Variants in PRPSAP1 observed in about 807,000 individuals in gnomAD.
The protein encoded by PRPSAP1 is phosphoribosyl pyrophosphate synthetase associated protein 1, also known as phosphoribosyl pyrophosphate synthase-associated protein 1.
A neutral mutation model predicts 39.4 loss-of-function variants in PRPSAP1; 31 were observed. That is an observed-to-expected ratio of 0.79 (90% CI 0.59 to 1.06). The LOEUF (loss-of-function observed/expected upper bound fraction) is 1.06. Ranked by LOEUF, PRPSAP1 falls within the 50% of genes least tolerant of loss-of-function variation. PRPSAP1 has a pLI of 0.00. For missense variants in PRPSAP1, 430 were observed against 511.6 expected (o/e 0.84, Z 1.54); for synonymous variants, 212 against 192.6 (o/e 1.10, Z -0.83).
At chr17:76,350,265 C>A (rs2071553613) in intron 1 of PRPSAP1, among the ~76,000 whole-genome samples, 1 of 151,844 alleles carries the variant, frequency 6.6e-6, no homozygotes, top group Non-Finnish European at 1.5e-5. Flanking sequence ...CGGTGAAACC[C>A]CATCTCTACT....
chr17:76,311,737 G>A, intron 9 of PRPSAP1, 37 bp from the exon 10 acceptor site: 5 of 1,594,534 alleles, frequency 3.1e-6, no homozygotes, highest in Non-Finnish European at 4.3e-6. Flanking sequence ...CGCTGTTACT[G>A]AAGTCTGTTC....
intron 7 of PRPSAP1, among the ~76,000 whole-genome samples, chr17:76,325,947 G>T (rs346795): frequency 0.29 from 44,595 of 151,892 alleles, 7,550 homozygotes; most frequent in African/African-American, 0.46. Flanking sequence ...TTTAAATTAA[G>T]GTACGTACAT....
intron 3 of PRPSAP1, among the ~76,000 whole-genome samples, chr17:76,335,922 T>C (rs2143513641): frequency 6.6e-6 from 1 of 151,904 alleles, no homozygotes; most frequent in South Asian, 2.1e-4. Context: ...CAAACCCATA[T>C]AATGAGCTGT....
At chr17:76,334,159 G>T (rs1206840227) in intron 3 of PRPSAP1, among the ~76,000 whole-genome samples, 1 of 152,014 alleles carries the variant, frequency 6.6e-6, no homozygotes, top group African/African-American at 2.4e-5. Context: ...GACTATCCAC[G>T]CATCCTCAAA....
Position 76,353,906 on chromosome 17 carries a change from G to A in PRPSAP1, c.-203C>T, listed in dbSNP as rs1177110112. 3 of 1,330,724 alleles carry A rather than the reference G, an allele frequency of 2.3e-6. No homozygotes were observed. Among genetic ancestry groups the A allele is most frequent in the South Asian group, 2.0e-5 (1 of 49,842 alleles). 82.4% of individuals were successfully genotyped at this position (1,330,724 alleles called of 1,614,324 possible). ...CGCAGCGCCCGGCGCCGCCGCCTCA[G>A]AGCCAGAGGCAAGGCCACCGCCCCC... is the stretch of plus-strand genomic sequence containing the variant. On this transcript the variant is annotated 5_prime_UTR_variant, in exon 1 of 10. Coordinates refer to ENST00000446526, the MANE Select transcript of PRPSAP1 (RefSeq NM_002766.3).
At chr17:76,329,853 G>A (rs955882663) in intron 6 of PRPSAP1, among the ~76,000 whole-genome samples, 190 bp downstream of exon 6, 2 of 152,128 alleles carry the variant, frequency 1.3e-5, no homozygotes, top group African/African-American at 2.4e-5. Flanking sequence ...GCAACTCAGC[G>A]ATCATGTGTG....
At position 76,310,185 on chromosome 17, in the gene PRPSAP1, C is replaced by T. The variant is rs1311192270; in HGVS notation, c.*1357G>A. 6.7e-6 allele frequency: 1 copy of T among 148,736 alleles called. No individual in the cohort carries two copies. Among genetic ancestry groups the T allele is most frequent in the African/African-American group, 2.6e-5 (1 of 38,950 alleles). 9.2% of individuals were successfully genotyped at this position (148,736 alleles called of 1,614,324 possible). A position where few individuals can be genotyped will look rare whatever the true frequency, so the allele number is the denominator to read the frequency against. On this transcript the variant is annotated 3_prime_UTR_variant, in exon 10 of 10. Coordinates refer to ENST00000446526, the MANE Select transcript of PRPSAP1 (RefSeq NM_002766.3). ...CTAATTTTTGTATTTTTAGTAGGGA[C>T]AGGGTTTCACCATATTGGCCAGGCT...
At chr17:76,340,696 G>A (rs1463363779) in intron 3 of PRPSAP1, among the ~76,000 whole-genome samples, 2 of 152,030 alleles carry the variant, frequency 1.3e-5, no homozygotes, top group African/African-American at 4.8e-5. Flanking sequence ...TTCGAGACCA[G>A]CCTGACCAAC....
At chr17:76,333,538 G>C (rs2071347424) in intron 3 of PRPSAP1, among the ~76,000 whole-genome samples, 1 of 152,016 alleles carries the variant, frequency 6.6e-6, no homozygotes, top group African/African-American at 2.4e-5. Flanking sequence ...CCAGCTACTG[G>C]GGAGGCTGAG....
At chr17:76,324,104 C>T (rs2071226594) in intron 7 of PRPSAP1, among the ~76,000 whole-genome samples, 1 of 149,078 alleles carries the variant, frequency 6.7e-6, no homozygotes, top group South Asian at 2.1e-4. Context: ...GATGGTGCCA[C>T]TGCACTCCAG....
chr17:76,353,913 A>G lies in PRPSAP1; in HGVS notation c.-210T>C. The G allele has an allele frequency of 6.8e-6, 9 of 1,322,240 alleles. No homozygotes were observed. The highest frequency in any genetic ancestry group is 8.6e-6 in the Non-Finnish European group (9 of 1,041,238). The allele number at this position is 1,322,240 out of a possible 1,614,324, so 81.9% of individuals were successfully genotyped here. A position where few individuals can be genotyped will look rare whatever the true frequency, so the allele number is the denominator to read the frequency against. ...CCCGGCGCCGCCGCCTCAGAGCCAG[A>G]GGCAAGGCCACCGCCCCCTCCGGGC... is the stretch of plus-strand genomic sequence containing the variant. On this transcript the variant is annotated 5_prime_UTR_variant, in exon 1 of 10. Coordinates refer to ENST00000446526, the MANE Select transcript of PRPSAP1 (RefSeq NM_002766.3).
At position 76,325,733 on chromosome 17, in the gene PRPSAP1, T is replaced by A. The variant is rs867706332; in HGVS notation, c.781+2984A>T. ...CCATTCTCCTGCCTCAGCCACCCGG[T>A]AGCTGGGACTACAGGCGCCCGCCAC... On this transcript the variant is annotated intron_variant, in intron 7 of 9. Transcript: ENST00000446526. 8.1e-4 allele frequency among the ~76,000 whole-genome samples: 123 copies of A among 151,212 alleles called. 2 individuals carry two copies. The Middle Eastern group carries it at 0.017, about 21-fold the overall frequency.
intron 1 of PRPSAP1, among the ~76,000 whole-genome samples, chr17:76,351,368 A>G (rs941863568): frequency 1.3e-5 from 2 of 152,118 alleles, no homozygotes; most frequent in African/African-American, 4.8e-5. Flanking sequence ...ACAAAAAATT[A>G]GCTGTGCGAG....
In PRPSAP1 at chr17:76,310,506, C is replaced by A. The variant is rs1290720603; in HGVS notation, c.*1036G>T. 1 of 151,476 alleles carries A rather than the reference C, an allele frequency of 6.6e-6. No individual in the cohort carries two copies. Among genetic ancestry groups the A allele is most frequent in the East Asian group, 1.9e-4 (1 of 5,160 alleles). The allele number at this position is 151,476 out of a possible 1,614,324, so 9.4% of individuals were successfully genotyped here. On this transcript the variant is annotated 3_prime_UTR_variant, in exon 10 of 10. Coordinates refer to ENST00000446526, the MANE Select transcript of PRPSAP1 (RefSeq NM_002766.3). ...TTTGAGACAGGGTGTTGCTCTGTCA[C>A]CCAGGATGGATGGCAGTGGTACAAT...
At chr17:76,324,140 CAAAA>C (rs34741154) in intron 7 of PRPSAP1, among the ~76,000 whole-genome samples, 1 of 117,118 alleles carries the variant, frequency 8.5e-6, no homozygotes, top group African/African-American at 3.0e-5. Flanking sequence ...GAGACTGTCT[CAAAA>C]AAAAAAAAAA....
rs191329448 is a variant in PRPSAP1, at chr17:76,332,458, T to C, written c.291-23A>G. On this transcript the variant is annotated intron_variant, in intron 3 of 9. Coordinates refer to ENST00000446526, the MANE Select transcript of PRPSAP1 (RefSeq NM_002766.3). ...TCTCTGAAACAGTCAAAGTTTGTAT[T>C]TGGGGATTAATTCCATGTATCAACC... is the stretch of plus-strand genomic sequence containing the variant. The C allele has an allele frequency of 9.1e-5, 146 of 1,612,286 alleles. 1 individual carries two copies. The African/African-American group carries it at 1.3e-3, about 14-fold the overall frequency.
intron 3 of PRPSAP1, 99 bp from the exon 4 acceptor site, chr17:76,332,534 G>A (rs2071333928): frequency 7.3e-7 from 1 of 1,371,936 alleles, no homozygotes; most frequent in Non-Finnish European, 9.9e-7. Context: ...CCAGATGGGT[G>A]TTGTGGGAAT....
intron 7 of PRPSAP1, 62 bp downstream of exon 7, chr17:76,328,655 A>C (rs933693237): frequency 5.1e-6 from 8 of 1,561,802 alleles, no homozygotes; most frequent in Non-Finnish European, 6.9e-6. Context: ...AAACCAACAA[A>C]ACCAACAAAA....
rs2071612096 is a variant in PRPSAP1, at chr17:76,353,843, T to G, written c.-140A>C. 28 of 1,376,264 alleles carry G rather than the reference T, an allele frequency of 2.0e-5. No individual in the cohort carries two copies. The highest frequency in any genetic ancestry group is 2.6e-5 in the Non-Finnish European group (28 of 1,072,850). 85.3% of individuals were successfully genotyped at this position (1,376,264 alleles called of 1,614,324 possible). A position where few individuals can be genotyped will look rare whatever the true frequency, so the allele number is the denominator to read the frequency against. On this transcript the variant is annotated 5_prime_UTR_variant, in exon 1 of 10. Coordinates refer to ENST00000446526, the MANE Select transcript of PRPSAP1 (RefSeq NM_002766.3). ...GGGAGAGCTCCGAGGTCCGTGCCCT[T>G]GCGCACCCCACACCACTGACTACAG...
Sources: allele counts gnomAD v4.1 joint callset (sites outside exome capture counted in the v4.1 genomes callset), GRCh38; gene constraint gnomAD v4.1.1; transcripts MANE v1.5; gene names NCBI Gene and HGNC (gene_info 2026-07-23, HGNC 2026-07-21).